The following NOS1 variants were observed in gnomAD, a reference collection of about 807,000 sequenced individuals.
The protein encoded by NOS1 is nitric oxide synthase 1.
A neutral mutation model predicts 164.5 loss-of-function variants in NOS1; 51 were observed. The observed-to-expected ratio is 0.31, with a 90% CI of 0.25 to 0.39. The LOEUF is 0.39. NOS1 is among the 10% of genes least tolerant of loss of function. NOS1 has a pLI of 1.00. For synonymous variants in NOS1, 719 were observed against 745.8 expected, an observed-to-expected ratio of 0.96 and a Z score of 0.59; for missense variants, 1,362 against 1,885.6, an observed-to-expected ratio of 0.72 and a Z score of 5.14.
chr12:117,225,282 A>T (rs1285823045), intron 24 of NOS1, 145 bp from the exon 25 acceptor site: 1 of 1,064,884 alleles, frequency 9.4e-7, no homozygotes, highest in East Asian at 2.6e-5. Context: ...GCCCCTTTCC[A>T]GGGTGGGAGT....
rs1870403723 is a variant in NOS1, at chr12:117,243,864, C to A, written c.2824-429G>T. On this transcript the variant is annotated intron_variant, in intron 18 of 28. Coordinates refer to ENST00000317775, the MANE Select transcript of NOS1 (RefSeq NM_000620.5). This position sits in a 1 kb window ranked among gnomAD's most constrained non-coding sequence, Gnocchi z 4.3. ...TGCATCCATCCTTCCATCCATCTAC[C>A]CACCCACCCACCTATCCATCTATCT... is the stretch of plus-strand genomic sequence containing the variant. 6.6e-6 allele frequency among the ~76,000 whole-genome samples: 1 copy of A among 152,074 alleles called. No individual in the cohort carries two copies. Among genetic ancestry groups the A allele is most frequent in the Non-Finnish European group, 1.5e-5 (1 of 68,010 alleles).
At chr12:117,215,707 G>A (rs11068416) in intron 28 of NOS1, among the ~76,000 whole-genome samples, 5,743 of 151,810 alleles carry the variant, frequency 0.038, 317 homozygotes, top group East Asian at 0.12. Flanking sequence ...TGCTGGGATT[G>A]CAGGCGTGAG....
chr12:117,240,945 T>C (rs1443069072), intron 20 of NOS1, among the ~76,000 whole-genome samples: 1 of 150,736 alleles, frequency 6.6e-6, no homozygotes, highest in African/African-American at 2.4e-5. Flanking sequence ...CTTTTTCTTT[T>C]TTTTTTTTTT....
At chr12:117,265,644 A>G (rs1433820036) in intron 11 of NOS1, 134 bp from the exon 12 acceptor site, 4 of 540,082 alleles carry the variant, frequency 7.4e-6, no homozygotes, top group Non-Finnish European at 1.2e-5. Flanking sequence ...TGAGATGGTG[A>G]TTCTCTCTGC....
chr12:117,210,969 T>G lies in NOS1; in HGVS notation c.*4340A>C. On this transcript the variant is annotated 3_prime_UTR_variant, in exon 29 of 29. Coordinates refer to ENST00000317775, the MANE Select transcript of NOS1 (RefSeq NM_000620.5). ...TATTTTATTTTATTTTATTTTATTT[T>G]TTTTGAGATAAGAGTCTTGCTCTGT... is the stretch of plus-strand genomic sequence containing the variant. 1 of 953,474 alleles carries G rather than the reference T, an allele frequency of 1.0e-6. No homozygotes were observed. The highest frequency in any genetic ancestry group is 1.2e-6 in the Non-Finnish European group (1 of 801,296). The allele number at this position is 953,474 out of a possible 1,614,324, so 59.1% of individuals were successfully genotyped here.
chr12:117,245,670 C>G (rs1328177500), intron 18 of NOS1: 1 of 152,342 alleles, frequency 6.6e-6, no homozygotes, highest in Non-Finnish European at 1.5e-5. Flanking sequence ...GTAATCCCAG[C>G]ACTTTGGGAG....
chr12:117,336,517 G>T (rs1566081933), intron 1 of NOS1, among the ~76,000 whole-genome samples: 1 of 152,144 alleles, frequency 6.6e-6, no homozygotes, highest in Non-Finnish European at 1.5e-5. Context: ...CAAGAGTAAA[G>T]TGCACATTGA....
At chr12:117,317,528 G>A (rs527595634) in intron 2 of NOS1, among the ~76,000 whole-genome samples, 1 of 150,966 alleles carries the variant, frequency 6.6e-6, no homozygotes. Context: ...GTGCCCCCTG[G>A]GAGGCAAAAT....
At chr12:117,339,708 GAGATTAGAGCTAAAA>G (rs1876007645) in intron 1 of NOS1, among the ~76,000 whole-genome samples, 1 of 152,154 alleles carries the variant, frequency 6.6e-6, no homozygotes, top group South Asian at 2.1e-4. Flanking sequence ...AAATAAGCAG[GAGATTAGAGCTAAAA>G]AGACCAGACC....
rs1027577709 is a variant in NOS1, at chr12:117,209,770, C to T, written c.*5539G>A. The stretch of plus-strand genomic sequence containing the variant: ...TTACATTTGGGGAAGGGCAGCTTTT[C>T]TTTTGGGGCCCCTTTGCCACAAGGC... On this transcript the variant is annotated 3_prime_UTR_variant, in exon 29 of 29. Coordinates refer to ENST00000317775, the MANE Select transcript of NOS1 (RefSeq NM_000620.5). 2.0e-6 allele frequency: 2 copies of T among 985,384 alleles called. No individual in the cohort carries two copies. Among genetic ancestry groups the T allele is most frequent in the Admixed American group, 6.1e-5 (1 of 16,266 alleles). 61.0% of individuals were successfully genotyped at this position (985,384 alleles called of 1,614,324 possible).
intron 1 of NOS1, among the ~76,000 whole-genome samples, chr12:117,339,417 A>G (rs1340813417): frequency 6.6e-6 from 1 of 152,160 alleles, no homozygotes. Context: ...GGGAAATCCC[A>G]CTCTCTTACA....
chr12:117,325,073 G>T (rs1285089182), intron 2 of NOS1, among the ~76,000 whole-genome samples: 1 of 152,178 alleles, frequency 6.6e-6, no homozygotes, highest in Non-Finnish European at 1.5e-5. Flanking sequence ...TTGGCTCCCC[G>T]ACTGGCGTGT....
intron 28 of NOS1, 80 bp downstream of exon 28, chr12:117,217,966 G>A: frequency 9.6e-7 from 1 of 1,046,256 alleles, no homozygotes; most frequent in Non-Finnish European, 1.5e-6. Flanking sequence ...CCTGCCGTGG[G>A]AAAGCCAGAC....
At chr12:117,244,729 T>C (rs76171035) in intron 18 of NOS1, among the ~76,000 whole-genome samples, 1,530 of 152,316 alleles carry the variant, frequency 0.01, 21 homozygotes, top group African/African-American at 0.035. Flanking sequence ...TAAAAAAGGA[T>C]GAAGTTCTGA....
chr12:117,261,403 G>A (rs914059204), intron 13 of NOS1, among the ~76,000 whole-genome samples: 8 of 151,914 alleles, frequency 5.3e-5, no homozygotes, highest in Non-Finnish European at 1.2e-4. Flanking sequence ...ATAGGAAATG[G>A]AGACCACAGA....
At chr12:117,341,798 C>T (rs925296074) in intron 1 of NOS1, among the ~76,000 whole-genome samples, 1 of 152,152 alleles carries the variant, frequency 6.6e-6, no homozygotes, top group South Asian at 2.1e-4. Flanking sequence ...AAAGTGGGAA[C>T]AATTCTGGTT....
intron 13 of NOS1, among the ~76,000 whole-genome samples, chr12:117,263,227 ATGAGTAAATGAATGAAT>A (rs1034257828): frequency 2.3e-4 from 12 of 52,808 alleles, no homozygotes; most frequent in African/African-American, 4.2e-4. Context: ...GAATGAATGA[ATGAGTAAATGAATGAAT>A]GAGTAAAATT....
At chr12:117,258,008 T>G (rs2135975773) in intron 16 of NOS1, among the ~76,000 whole-genome samples, 1 of 152,068 alleles carries the variant, frequency 6.6e-6, no homozygotes, top group Middle Eastern at 3.4e-3. Context: ...TTTCACCATG[T>G]TGGCCAGGCT....
intron 1 of NOS1, among the ~76,000 whole-genome samples, chr12:117,338,195 C>A (rs559681849): frequency 1.5e-4 from 23 of 151,484 alleles, no homozygotes; most frequent in African/African-American, 4.4e-4. Flanking sequence ...CCAGCCTGGG[C>A]GACAGAGTGA....
Sources: allele counts gnomAD v4.1 joint callset (sites outside exome capture counted in the v4.1 genomes callset), GRCh38; gene constraint gnomAD v4.1.1; non-coding constraint Gnocchi (gnomAD v3.1); transcripts MANE v1.5; gene names NCBI Gene and HGNC (gene_info 2026-07-23, HGNC 2026-07-21).